ACAN: variants seen among roughly 807,000 people sequenced by gnomAD.
The protein encoded by ACAN is aggrecan core protein.
A neutral mutation model predicts 169.1 loss-of-function variants in ACAN; 47 were observed. The observed-to-expected ratio is 0.28, with a 90% CI of 0.22 to 0.35. The LOEUF is 0.35. ACAN is among the 10% of genes least tolerant of loss of function. The pLI is 1.00. For synonymous variants in ACAN, 1,115 were observed against 1,112.2 expected, an observed-to-expected ratio of 1.00 and a Z score of -0.05; for missense variants, 2,716 against 2,759.9, an observed-to-expected ratio of 0.98 and a Z score of 0.36.
chr15:88,805,205 G>A (rs1451257493), intron 1 of ACAN, among the ~76,000 whole-genome samples: 2 of 152,110 alleles, frequency 1.3e-5, no homozygotes, highest in Admixed American at 6.5e-5. Context: ...ATGCACCCTG[G>A]GCAAGGTGGG....
rs1344032391 is a variant in ACAN, at chr15:88,838,196, G to A, written c.71-467G>A. Among the ~76,000 whole-genome samples, 6 of 151,926 alleles carry A rather than the reference G, an allele frequency of 3.9e-5. No homozygotes were observed. Among genetic ancestry groups the A allele is most frequent in the African/African-American group, 1.4e-4 (6 of 41,384 alleles). Reference sequence around the variant, plus strand: ...ACCCAAAAGCAGACCTCCCCAAATGGGACACATCTTAGAAGTTTTCTGTCT... The same window carrying A: ...ACCCAAAAGCAGACCTCCCCAAATGAGACACATCTTAGAAGTTTTCTGTCT... On this transcript the variant is annotated intron_variant, in intron 2 of 18. Transcript: ENST00000560601. This position sits in a 1 kb window ranked among gnomAD's most constrained non-coding sequence, Gnocchi z 5.1.
chr15:88,826,864 C>T (rs368979038), intron 1 of ACAN, among the ~76,000 whole-genome samples: 2 of 152,226 alleles, frequency 1.3e-5, no homozygotes, highest in South Asian at 2.1e-4. Flanking sequence ...ATGAGTAAAG[C>T]TAATGAGCGT....
chr15:88,838,776 A>G lies in ACAN; in HGVS notation c.184A>G (p.Thr62Ala). 6.2e-7 allele frequency: 1 copy of G among 1,613,850 alleles called. No homozygotes were observed. The highest frequency in any genetic ancestry group is 8.5e-7 in the Non-Finnish European group (1 of 1,179,850). Residue 62 changes from threonine to alanine, a missense_variant, in exon 3 of 19, where the codon ACC becomes GCC. Around this residue, in one of 3 missense-constraint regions of ACAN, gnomAD observed 1,283 missense variants for 1,281.5 expected, o/e 1.00. Coordinates refer to ENST00000560601, the MANE Select transcript of ACAN (RefSeq NM_001369268.1). The surrounding 1 kb of genome is among the most constrained non-coding windows in gnomAD (Gnocchi z 5.1). ...CATCGACCCCATGCACCCTGTGACC[A>G]CCGCCCCTTCTACCGCCCCACTGGC... Reference protein sequence around the residue: ...YFIDPMHPVTTAPSTAPLAPR... With the variant: ...YFIDPMHPVTAAPSTAPLAPR...
chr15:88,823,875 G>A (rs1387350151), intron 1 of ACAN, among the ~76,000 whole-genome samples: 1 of 152,158 alleles, frequency 6.6e-6, no homozygotes, highest in East Asian at 1.9e-4. Context: ...AAAGGAGTGA[G>A]AATGGATATT....
intron 1 of ACAN, among the ~76,000 whole-genome samples, chr15:88,804,703 C>G (rs988281982): frequency 3.9e-5 from 6 of 152,156 alleles, no homozygotes; most frequent in African/African-American, 1.4e-4. Flanking sequence ...GGGCTTGTCT[C>G]TGGTTGTGAG....
In ACAN at chr15:88,857,042, A is replaced by G. The variant is rs1309755283; in HGVS notation, c.4457A>G (p.Asp1486Gly). The stretch of plus-strand genomic sequence containing the variant: ...GAGATTTCTGTCTCTGGAGTAGAGG[A>G]CATCAGTGGGCTTCCTTCTGGAGAG... ...VLEISVSGVE[D>G]ISGLPSGEVV... The change falls in exon 12 of 19, where the codon GAC becomes GGC. Residue 1486 changes from aspartate to glycine, a missense_variant. By Grantham distance (94) the Asp-to-Gly change is moderately conservative (BLOSUM62 -1). Around this residue, in one of 3 missense-constraint regions of ACAN, gnomAD observed 1,389 missense variants for 1,363.7 expected, o/e 1.02. Transcript: ENST00000560601. 2.5e-6 allele frequency: 4 copies of G among 1,612,696 alleles called. No individual in the cohort carries two copies. The highest frequency in any genetic ancestry group is 3.4e-6 in the Non-Finnish European group (4 of 1,179,398).
chr15:88,842,188 T>C (rs1054333016), intron 5 of ACAN, among the ~76,000 whole-genome samples: 3 of 152,112 alleles, frequency 2.0e-5, no homozygotes, highest in Non-Finnish European at 4.4e-5. Context: ...GACAAGCACA[T>C]CCCTGTTCTA....
rs34957282 is a variant in ACAN, at chr15:88,847,328, G to A, written c.1515G>A (p.Ala505=). 5.4e-3 allele frequency: 8,517 copies of A among 1,581,296 alleles called. 385 individuals carry two copies. The African/African-American group carries it at 0.1, about 19-fold the overall frequency. ...EAQQACLRTG[A]VIASPEQLQA... Reference sequence around the variant, plus strand: ...AGCAGGCCTGCCTGCGCACGGGGGCGGTCATTGCCTCGCCGGAGCAGCTCC... The same window carrying A: ...AGCAGGCCTGCCTGCGCACGGGGGCAGTCATTGCCTCGCCGGAGCAGCTCC... Residue 505 remains alanine (A), a synonymous_variant, in exon 8 of 19, where the codon GCG becomes GCA. Coordinates refer to ENST00000560601, the MANE Select transcript of ACAN (RefSeq NM_001369268.1).
At position 88,840,904 on chromosome 15, in the gene ACAN, G is replaced by C. The variant is rs144246634; in HGVS notation, c.629+718G>C. 5.1e-3 allele frequency among the ~76,000 whole-genome samples: 779 copies of C among 152,278 alleles called. 7 individuals carry two copies. Among genetic ancestry groups the C allele is most frequent in the African/African-American group, 0.018 (737 of 41,546 alleles). On this transcript the variant is annotated intron_variant, in intron 4 of 18. Transcript: ENST00000560601. Reference sequence around the variant, plus strand: ...TCATGCCTGTAATCCCAGCACTTTGGGAGGCCAAGGCGGGCAGATCACGAA... The same window carrying C: ...TCATGCCTGTAATCCCAGCACTTTGCGAGGCCAAGGCGGGCAGATCACGAA...
chr15:88,857,020 A>G lies in ACAN; in HGVS notation c.4435A>G (p.Ile1479Val), dbSNP rs377592925. 2.5e-6 allele frequency: 4 copies of G among 1,613,122 alleles called. No individual in the cohort carries two copies. The highest frequency in any genetic ancestry group is 1.6e-4 in the Middle Eastern group (1 of 6,074). ...GLPSGGEVLE[I>V]SVSGVEDISG... ...TCCTTCTGGAGGAGAAGTTCTAGAG[A>G]TTTCTGTCTCTGGAGTAGAGGACAT... Residue 1479 changes from isoleucine to valine, a missense_variant, in exon 12 of 19, where the codon ATT (isoleucine) becomes GTT (valine). Ile to Val is a conservative substitution (Grantham distance 29). Transcript: ENST00000560601.
At chr15:88,824,348 A>G (rs1239222703) in intron 1 of ACAN, among the ~76,000 whole-genome samples, 7 of 152,006 alleles carry the variant, frequency 4.6e-5, no homozygotes, top group Non-Finnish European at 1.0e-4. Flanking sequence ...AACAACAAAA[A>G]GATTAACACT....
chr15:88,838,621 G>T lies in ACAN; in HGVS notation c.71-42G>T, dbSNP rs1403355025. The T allele has an allele frequency of 1.3e-6, 2 of 1,543,672 alleles. No individual in the cohort carries two copies. Among genetic ancestry groups the T allele is most frequent in the African/African-American group, 2.7e-5 (2 of 73,158 alleles). On this transcript the variant is annotated intron_variant, in intron 2 of 18. Coordinates refer to ENST00000560601, the MANE Select transcript of ACAN (RefSeq NM_001369268.1). This position sits in a 1 kb window ranked among gnomAD's most constrained non-coding sequence, Gnocchi z 5.1. Reference sequence around the variant, plus strand: ...TGGGGAGGCGGGGTGGTCCTCTCTAGGCACTAACAGGTCTCTCTTCTACCC... The same window carrying T: ...TGGGGAGGCGGGGTGGTCCTCTCTATGCACTAACAGGTCTCTCTTCTACCC...
chr15:88,820,535 G>C (rs1449277138), intron 1 of ACAN, among the ~76,000 whole-genome samples: 1 of 152,094 alleles, frequency 6.6e-6, no homozygotes, highest in Non-Finnish European at 1.5e-5. Context: ...TACACCACTT[G>C]GACCTGCTCC....
At position 88,858,130 on chromosome 15, in the gene ACAN, G is replaced by GAAA. The variant is rs757882287; in HGVS notation, c.5545_5546insAAA (p.Gly1849delinsGluSer). 1 of 1,613,874 alleles carries GAAA rather than the reference G, an allele frequency of 6.2e-7. No homozygotes were observed. The highest frequency in any genetic ancestry group is 8.5e-7 in the Non-Finnish European group (1 of 1,179,900). On this transcript the variant is annotated protein_altering_variant, in exon 12 of 19. Transcript: ENST00000560601. This position sits in a 1 kb window ranked among gnomAD's most constrained non-coding sequence, Gnocchi z 4.0. ...CCCTACTACATTTAAAGAAGAAGAA[G>GAAA]GCTTAGGGTCTGTGGAACTCAGTGG...
At chr15:88,822,127 C>A (rs1417302686) in intron 1 of ACAN, among the ~76,000 whole-genome samples, 2 of 152,238 alleles carry the variant, frequency 1.3e-5, no homozygotes, top group African/African-American at 4.8e-5. Context: ...ACCTTAGTCT[C>A]CAGTCCCTCC....
chr15:88,829,732 T>C (rs1388099918), intron 1 of ACAN, among the ~76,000 whole-genome samples: 2 of 152,188 alleles, frequency 1.3e-5, no homozygotes, highest in African/African-American at 4.8e-5. Context: ...CAGAGCCACC[T>C]GGTCGCAGGC....
At chr15:88,827,227 GT>G (rs1596122386) in intron 1 of ACAN, among the ~76,000 whole-genome samples, 1 of 152,142 alleles carries the variant, frequency 6.6e-6, no homozygotes, top group African/African-American at 2.4e-5. Flanking sequence ...GTGGCAAGCC[GT>G]GGAGACGGCA....
At position 88,874,944 on chromosome 15, in the gene ACAN, G is replaced by A. The variant is rs1306454918; in HGVS notation, c.*463G>A. 7 of 305,964 alleles carry A rather than the reference G, an allele frequency of 2.3e-5. No homozygotes were observed. Among genetic ancestry groups the A allele is most frequent in the African/African-American group, 6.5e-5 (3 of 45,898 alleles). 19.0% of individuals were successfully genotyped at this position (305,964 alleles called of 1,614,324 possible). A position where few individuals can be genotyped will look rare whatever the true frequency, so the allele number is the denominator to read the frequency against. Reference sequence around the variant, plus strand: ...GGAAGGAGCAGAGGCCTGAGAGCAGGAAGAACTCGGAACCGCAGCTGAATG... The same window carrying A: ...GGAAGGAGCAGAGGCCTGAGAGCAGAAAGAACTCGGAACCGCAGCTGAATG... On this transcript the variant is annotated 3_prime_UTR_variant, in exon 19 of 19. Transcript: ENST00000560601. This position sits in a 1 kb window ranked among gnomAD's most constrained non-coding sequence, Gnocchi z 7.3.
At position 88,866,536 on chromosome 15, in the gene ACAN, G is replaced by A. The variant is rs1317435405; in HGVS notation, c.6947-1680G>A. On this transcript the variant is annotated intron_variant, in intron 13 of 18. Coordinates refer to ENST00000560601, the MANE Select transcript of ACAN (RefSeq NM_001369268.1). The surrounding 1 kb of genome is among the most constrained non-coding windows in gnomAD (Gnocchi z 5.6). ...ATGCATTTTGGGTTTGCTTGGAACAGTTCCAACTTGGAACTGTTGGTTCTA... is the reference window on the plus strand; with the variant it reads ...ATGCATTTTGGGTTTGCTTGGAACAATTCCAACTTGGAACTGTTGGTTCTA... Among the ~76,000 whole-genome samples, 3 of 152,110 alleles carry A rather than the reference G, an allele frequency of 2.0e-5. No individual in the cohort carries two copies. Among genetic ancestry groups the A allele is most frequent in the African/African-American group, 7.2e-5 (3 of 41,430 alleles).
Sources: gnomAD v4.1 joint callset for allele counts (sites outside exome capture counted in the v4.1 genomes callset) on GRCh38, gnomAD v4.1.1 for gene constraint, gnomAD v4.1.1 regional missense constraint, Gnocchi (gnomAD v3.1) non-coding constraint, MANE v1.5 for transcripts, NCBI Gene and HGNC (gene_info 2026-07-23, HGNC 2026-07-21) for gene names.